L3MBTL3: variants seen among roughly 807,000 people sequenced by gnomAD.
L3MBTL3 encodes lethal(3)malignant brain tumor-like protein 3.
A neutral mutation model predicts 102.3 loss-of-function variants in L3MBTL3; 27 were observed. That is an observed-to-expected ratio of 0.26 (90% CI 0.19 to 0.36). The LOEUF (loss-of-function observed/expected upper bound fraction) is 0.36. L3MBTL3 is among the 10% of genes least tolerant of loss of function. The probability of loss-of-function intolerance (pLI) is 1.00; values close to 1 mark genes in which losing one functional copy is unlikely to be tolerated. For missense variants in L3MBTL3, 798 were observed against 955.3 expected, an observed-to-expected ratio of 0.84 and a Z score of 2.17; for synonymous variants, 340 against 320.9, an observed-to-expected ratio of 1.06 and a Z score of -0.64.
intron 19 of L3MBTL3, among the ~76,000 whole-genome samples, chr6:130,111,215 G>T (rs748474358): frequency 2.0e-5 from 3 of 152,138 alleles, no homozygotes; most frequent in Non-Finnish European, 2.9e-5. Flanking sequence ...TAGTTGTCAC[G>T]CTGGTTACCA....
chr6:130,075,039 T>C (rs1318813000), intron 13 of L3MBTL3, among the ~76,000 whole-genome samples: 1 of 152,160 alleles, frequency 6.6e-6, no homozygotes, highest in Non-Finnish European at 1.5e-5. Flanking sequence ...GCAGTGTCAG[T>C]TAATAGGCTT....
At chr6:130,077,569 A>G (rs1027189528) in intron 13 of L3MBTL3, among the ~76,000 whole-genome samples, 7 of 152,240 alleles carry the variant, frequency 4.6e-5, no homozygotes, top group African/African-American at 1.4e-4. Context: ...CTCACAATGT[A>G]TTATTGTCCC....
rs1780495760 is a variant in L3MBTL3 at position 130,042,642 on chromosome 6, C to T, written c.-15-43C>T. The T allele has an allele frequency of 2.6e-6, 3 of 1,153,170 alleles. No homozygotes were observed. In the Admixed American group the frequency reaches 5.2e-5, roughly 20 times the overall value. The allele number at this position is 1,153,170 out of a possible 1,614,324, so 71.4% of individuals were successfully genotyped here. On this transcript the variant is annotated intron_variant, in intron 2 of 22. Coordinates refer to ENST00000361794, the MANE Select transcript of L3MBTL3 (RefSeq NM_032438.4). ...CGAGTACTAAATTAAAAACAGATTT[C>T]CATGTGGAATATTTAGTGATATGCC...
intron 6 of L3MBTL3, among the ~76,000 whole-genome samples, chr6:130,051,747 A>G (rs543292537): frequency 6.2e-4 from 94 of 152,342 alleles, no homozygotes; most frequent in African/African-American, 2.1e-3. Flanking sequence ...ATTTATAGAA[A>G]CATAGTTTTG....
intron 4 of L3MBTL3, 76 bp downstream of exon 4, chr6:130,049,469 G>A: frequency 9.8e-7 from 1 of 1,023,390 alleles, no homozygotes. Flanking sequence ...TTTTATAATA[G>A]GCTGGAACTT....
At chr6:130,102,416 C>G (rs1410683704) in intron 18 of L3MBTL3, among the ~76,000 whole-genome samples, 1 of 152,150 alleles carries the variant, frequency 6.6e-6, no homozygotes, top group African/African-American at 2.4e-5. Context: ...CAGTTCTGTC[C>G]CTTGAAATCT....
intron 15 of L3MBTL3, among the ~76,000 whole-genome samples, chr6:130,085,253 C>A (rs1394843620): frequency 6.6e-6 from 1 of 152,140 alleles, no homozygotes; most frequent in African/African-American, 2.4e-5. Flanking sequence ...TTTTCAGAGG[C>A]TTATAAGTTT....
chr6:130,088,959 G>C (rs56310115), intron 16 of L3MBTL3, among the ~76,000 whole-genome samples: 6,168 of 152,016 alleles, frequency 0.041, 419 homozygotes, highest in African/African-American at 0.14. Flanking sequence ...TCAGTAATTT[G>C]TTCATAGTTT....
At chr6:130,069,210 C>G (rs367937139) in intron 12 of L3MBTL3, among the ~76,000 whole-genome samples, 2 of 152,194 alleles carry the variant, frequency 1.3e-5, no homozygotes, top group East Asian at 1.9e-4. Context: ...CCAGCTTTCT[C>G]TCTAGTATGA....
chr6:130,045,230 C>G (rs568613081), intron 3 of L3MBTL3, among the ~76,000 whole-genome samples: 1 of 152,224 alleles, frequency 6.6e-6, no homozygotes, highest in Admixed American at 6.5e-5. Context: ...CCTCTCTGGC[C>G]ATGTCTCATT....
At chr6:130,125,477 C>T (rs960905293) in intron 20 of L3MBTL3, among the ~76,000 whole-genome samples, 9 of 152,084 alleles carry the variant, frequency 5.9e-5, no homozygotes, top group African/African-American at 2.2e-4. Context: ...TATCAGAGGC[C>T]CCATGGTAAT....
chr6:130,037,585 G>A (rs943343199), intron 2 of L3MBTL3, among the ~76,000 whole-genome samples: 1 of 151,878 alleles, frequency 6.6e-6, no homozygotes, highest in Non-Finnish European at 1.5e-5. Flanking sequence ...TTACATCCTG[G>A]GTCCTGTTTT....
intron 15 of L3MBTL3, among the ~76,000 whole-genome samples, 158 bp from the exon 16 acceptor site, chr6:130,085,982 G>A (rs1584400682): frequency 7.1e-6 from 1 of 140,446 alleles, no homozygotes; most frequent in Admixed American, 6.8e-5. Context: ...CAAACTCCTG[G>A]CCTCAAGTGA....
At chr6:130,028,211 A>T (rs1779478529) in intron 2 of L3MBTL3, among the ~76,000 whole-genome samples, 1 of 152,136 alleles carries the variant, frequency 6.6e-6, no homozygotes, top group Non-Finnish European at 1.5e-5. Flanking sequence ...GAGATTTTGT[A>T]AAGGTTACCT....
At chr6:130,071,157 A>C in intron 13 of L3MBTL3, 30 bp downstream of exon 13, 1 of 1,585,476 alleles carries the variant, frequency 6.3e-7, no homozygotes, top group Non-Finnish European at 8.6e-7. Flanking sequence ...GTGCTTTTAA[A>C]AATTTAATAT....
At chr6:130,021,433 A>G (rs532388288) in intron 1 of L3MBTL3, among the ~76,000 whole-genome samples, 5 of 152,372 alleles carry the variant, frequency 3.3e-5, no homozygotes, top group African/African-American at 9.6e-5. Context: ...TCCATCCGAC[A>G]TGAGTTATAT....
chr6:130,030,175 G>A (rs1028681195), intron 2 of L3MBTL3, among the ~76,000 whole-genome samples: 8 of 150,940 alleles, frequency 5.3e-5, no homozygotes, highest in African/African-American at 1.7e-4. Flanking sequence ...CTTTTCTTTA[G>A]AATAACTGTA....
intron 6 of L3MBTL3, among the ~76,000 whole-genome samples, chr6:130,051,979 T>C (rs367810309): frequency 3.9e-5 from 6 of 152,262 alleles, no homozygotes; most frequent in African/African-American, 1.2e-4. Flanking sequence ...TCTGACAAAG[T>C]TCAGCTTATC....
chr6:130,111,727 A>G (rs1203820605), intron 19 of L3MBTL3, among the ~76,000 whole-genome samples: 1 of 152,200 alleles, frequency 6.6e-6, no homozygotes, highest in African/African-American at 2.4e-5. Context: ...ATTTGGCTTC[A>G]TATCAGATCC....
Sources: allele counts gnomAD v4.1 joint callset (sites outside exome capture counted in the v4.1 genomes callset), GRCh38; gene constraint gnomAD v4.1.1; transcripts MANE v1.5; gene names NCBI Gene and HGNC (gene_info 2026-07-23, HGNC 2026-07-21).